DNAH3: variants seen among roughly 807,000 people sequenced by gnomAD.
DNAH3 encodes the protein axonemal beta dynein heavy chain 3.
Under a neutral mutation model 432.5 loss-of-function variants are expected in DNAH3, and 332 were observed. The ratio of observed to expected loss-of-function variants is 0.77; its 90% confidence interval spans 0.70 to 0.84. The LOEUF (loss-of-function observed/expected upper bound fraction) is 0.84, where lower values mean the gene tolerates loss of function less well. Among genes scored for constraint, DNAH3 ranks in the 40% least tolerant of loss-of-function variants. The probability of loss-of-function intolerance (pLI) is 0.00; values close to 1 mark genes in which losing one functional copy is unlikely to be tolerated. For missense variants in DNAH3, 4,861 were observed against 5,114.0 expected (o/e 0.95, Z 1.51); for synonymous variants, 1,956 against 1,900.2 (o/e 1.03, Z -0.76).
intron 51 of DNAH3, among the ~76,000 whole-genome samples, chr16:20,971,412 TCTC>T (rs1258239741): frequency 6.6e-6 from 1 of 151,942 alleles, no homozygotes; most frequent in African/African-American, 2.4e-5. Flanking sequence ...ATTAGCAACT[TCTC>T]CTGGGCAGGA....
intron 56 of DNAH3, 25 bp downstream of exon 56, chr16:20,952,408 G>A: frequency 1.4e-6 from 2 of 1,425,546 alleles, no homozygotes; most frequent in African/African-American, 1.4e-5. Flanking sequence ...GAGGTTTACA[G>A]TGGAAAAACT....
At chr16:21,117,836 G>A (rs2092242722) in intron 11 of DNAH3, among the ~76,000 whole-genome samples, 1 of 152,124 alleles carries the variant, frequency 6.6e-6, no homozygotes, top group Admixed American at 6.6e-5. Flanking sequence ...AATACTGGGT[G>A]AGTCAATGAA....
intron 7 of DNAH3, 101 bp downstream of exon 8, chr16:21,134,158 A>G (rs2092608417): frequency 2.5e-6 from 3 of 1,176,802 alleles, no homozygotes; most frequent in South Asian, 1.8e-5. Context: ...TCATTTCTCT[A>G]TGCTGTCAGG....
intron 2 of DNAH3, 48 bp from the exon 4 acceptor site, chr16:21,145,454 G>A (rs76242255): frequency 0.011 from 16,952 of 1,516,798 alleles, 109 homozygotes; most frequent in Non-Finnish European, 0.013. Flanking sequence ...AACATCTCTC[G>A]ATGAGCCTGA....
chr16:21,000,089 C>G (rs911858539), intron 43 of DNAH3, 135 bp downstream of exon 43: 2 of 861,666 alleles, frequency 2.3e-6, no homozygotes, highest in African/African-American at 3.4e-5. Flanking sequence ...GAATACTAAG[C>G]TATATTAACT....
At chr16:20,941,433 G>A (rs145155252) in exon 59 of DNAH3, 18 of 1,613,878 alleles carry the variant, frequency 1.1e-5, no homozygotes, top group South Asian at 6.6e-5. Context: ...GCCTTAGGAC[G>A]GTATTCATGG....
At chr16:21,128,588 G>A (rs7205173) in intron 7 of DNAH3, among the ~76,000 whole-genome samples, 3,440 of 151,870 alleles carry the variant, frequency 0.023, 129 homozygotes, top group African/African-American at 0.077. Flanking sequence ...CCAACCACCC[G>A]GGAGGCTGAG....
intron 20 of DNAH3, among the ~76,000 whole-genome samples, chr16:21,076,213 GGGTGGGCCTTAATCCATTATAATT>G (rs1666644050): frequency 6.6e-6 from 1 of 152,106 alleles, no homozygotes; most frequent in Admixed American, 6.6e-5. Flanking sequence ...TAAGTCATGA[GGGTGGGCCTTAATCCATTATAATT>G]GGTGACCTTA....
intron 54 of DNAH3, among the ~76,000 whole-genome samples, chr16:20,955,845 A>G (rs1228174925): frequency 1.3e-5 from 2 of 152,094 alleles, no homozygotes; most frequent in Admixed American, 6.6e-5. Context: ...AGAATTGATA[A>G]TTTTACCACC....
chr16:20,980,220 TATTA>T (rs201575062), intron 49 of DNAH3, among the ~76,000 whole-genome samples: 24,510 of 141,184 alleles, frequency 0.17, 2,518 homozygotes, highest in African/African-American at 0.27. Context: ...ATATTATTTA[TATTA>T]TTTATTTATA....
chr16:21,094,500 G>A (rs1007433759), intron 18 of DNAH3, among the ~76,000 whole-genome samples: 9 of 151,964 alleles, frequency 5.9e-5, no homozygotes, highest in East Asian at 1.9e-4. Flanking sequence ...GTGAAACCCC[G>A]GCTCTACGAA....
chr16:20,990,373 A>G (rs1874017808), intron 44 of DNAH3, among the ~76,000 whole-genome samples: 1 of 152,234 alleles, frequency 6.6e-6, no homozygotes, highest in South Asian at 2.1e-4. Context: ...ATATAGATAT[A>G]TACCAGCTTT....
At chr16:20,992,072 T>A (rs1174868803) in intron 44 of DNAH3, among the ~76,000 whole-genome samples, 1 of 152,234 alleles carries the variant, frequency 6.6e-6, no homozygotes, top group Admixed American at 6.5e-5. Flanking sequence ...TCCCATTTAC[T>A]TATCAGTTTC....
chr16:21,005,736 CGT>C (rs1032891903), intron 41 of DNAH3, among the ~76,000 whole-genome samples: 2 of 151,218 alleles, frequency 1.3e-5, no homozygotes, highest in African/African-American at 2.4e-5. Context: ...TCAGCTCTTA[CGT>C]GTTTGAGAAT....
chr16:20,974,809 C>T (rs1017390352), intron 51 of DNAH3, among the ~76,000 whole-genome samples: 4 of 150,834 alleles, frequency 2.7e-5, no homozygotes, highest in African/African-American at 7.3e-5. Flanking sequence ...CTGGGAGAGT[C>T]GCCTACCCCT....
chr16:20,940,269 C>T (rs1596868252), intron 59 of DNAH3, among the ~76,000 whole-genome samples: 1 of 152,168 alleles, frequency 6.6e-6, no homozygotes, highest in East Asian at 1.9e-4. Context: ...TGCCATATTG[C>T]CCAGGCTGGT....
chr16:20,987,935 C>T lies in DNAH3; in HGVS notation c.6725+7G>A, dbSNP rs2086286937. ...CCACTATCCAGGAAGACAGAGAAAC[C>T]TCTTACCTTAAAAACATCACATCAA... On this transcript the variant is annotated splice_region_variant and intron_variant, in intron 45 of 61. Coordinates refer to ENST00000261383, the Ensembl canonical transcript of DNAH3. 7 of 1,614,048 alleles carry T rather than the reference C, an allele frequency of 4.3e-6. No individual in the cohort carries two copies. The highest frequency in any genetic ancestry group is 3.3e-5 in the Admixed American group (2 of 59,980).
chr16:21,158,574 G>C (rs2092916967), intron 1 of DNAH3: 1 of 152,366 alleles, frequency 6.6e-6, no homozygotes, highest in African/African-American at 2.4e-5. Context: ...CCGGCCACGG[G>C]CGGGGCGAGC....
intron 1 of DNAH3, among the ~76,000 whole-genome samples, chr16:21,158,196 G>T (rs1462887265): frequency 1.3e-5 from 2 of 152,192 alleles, no homozygotes; most frequent in Non-Finnish European, 2.9e-5. Flanking sequence ...CATCTGAAAG[G>T]ATCTCACTGG....
Sources: allele counts gnomAD v4.1 joint callset (sites outside exome capture counted in the v4.1 genomes callset), GRCh38; gene constraint gnomAD v4.1.1; transcripts MANE v1.5; gene names NCBI Gene and HGNC (gene_info 2026-07-23, HGNC 2026-07-21).